TMC5: variants seen among roughly 807,000 people sequenced by gnomAD.
The protein encoded by TMC5 is transmembrane channel-like protein 5.
Under a neutral mutation model 110.5 loss-of-function variants are expected in TMC5, and 86 were observed. That is an observed-to-expected ratio of 0.78 (90% CI 0.65 to 0.93). The LOEUF is 0.93. Among genes scored for constraint, TMC5 ranks in the 40% least tolerant of loss-of-function variants. The pLI, the probability that TMC5 is intolerant of heterozygous loss-of-function variation, is 0.00. For missense variants in TMC5, 1,144 were observed against 1,222.8 expected (o/e 0.94, Z 0.96); for synonymous variants, 455 against 439.5 (o/e 1.04, Z -0.44).
chr16:19,434,107 T>TTA (rs1555479987), intron 2 of TMC5, among the ~76,000 whole-genome samples: 3 of 113,470 alleles, frequency 2.6e-5, no homozygotes, highest in South Asian at 2.4e-4. Context: ...AATATATATA[T>TTA]TATATATATA....
chr16:19,461,285 A>G (rs1161894920), intron 6 of TMC5, among the ~76,000 whole-genome samples: 1 of 152,198 alleles, frequency 6.6e-6, no homozygotes, highest in Non-Finnish European at 1.5e-5. Flanking sequence ...TACTTAAAAA[A>G]TAAAGATCAG....
intron 15 of TMC5, among the ~76,000 whole-genome samples, chr16:19,484,590 T>G (rs533997360): frequency 6.6e-6 from 1 of 152,118 alleles, no homozygotes; most frequent in East Asian, 1.9e-4. Context: ...GGTGAAACCC[T>G]GACTCTACTA....
rs554413000 is a variant in TMC5 at position 19,421,446 on chromosome 16, T to C, written c.-308+3354T>C. ...GGCAGTTCCCCTGCACACACGCTCT[T>C]GCCTGCCGCCATGTAAGATGTGCCT... On this transcript the variant is annotated intron_variant, in intron 1 of 21. Coordinates refer to ENST00000542583, the MANE Select transcript of TMC5 (RefSeq NM_001261841.2). Among the ~76,000 whole-genome samples the C allele has an allele frequency of 2.4e-3, 371 of 152,254 alleles. 3 individuals are homozygous for C. The highest frequency in any genetic ancestry group is 8.5e-3 in the African/African-American group (352 of 41,558).
intron 2 of TMC5, among the ~76,000 whole-genome samples, chr16:19,438,419 A>AG (rs1328179281): frequency 0.091 from 4,627 of 51,002 alleles, 145 homozygotes; most frequent in African/African-American, 0.19. Context: ...GAAGAAAGAA[A>AG]AGAAAAAGAA....
chr16:19,493,809 C>T (rs919315145), intron 19 of TMC5, among the ~76,000 whole-genome samples: 1 of 152,208 alleles, frequency 6.6e-6, no homozygotes, highest in South Asian at 2.1e-4. Flanking sequence ...ACTTCCCCTC[C>T]CCACTTCCTC....
At chr16:19,419,473 T>C (rs1226693907) in intron 1 of TMC5, among the ~76,000 whole-genome samples, 1 of 127,258 alleles carries the variant, frequency 7.9e-6, no homozygotes, top group Non-Finnish European at 1.6e-5. Flanking sequence ...AGTGCAGTGG[T>C]GCGATCTCGG....
intron 4 of TMC5, among the ~76,000 whole-genome samples, chr16:19,449,052 G>A (rs79545455): frequency 0.07 from 10,645 of 151,526 alleles, 760 homozygotes; most frequent in African/African-American, 0.19. Flanking sequence ...TAGTAGGGAC[G>A]GGGTTAGCCA....
chr16:19,429,914 G>T (rs1967161806), intron 1 of TMC5, among the ~76,000 whole-genome samples: 1 of 151,886 alleles, frequency 6.6e-6, no homozygotes. Flanking sequence ...TCCCACCCCA[G>T]TGAACTTATT....
chr16:19,439,427 T>C (rs978326181), intron 2 of TMC5, among the ~76,000 whole-genome samples: 2 of 152,206 alleles, frequency 1.3e-5, no homozygotes, highest in African/African-American at 4.8e-5. Context: ...TTTGGTTCAC[T>C]GGTCCCCTCC....
chr16:19,451,830 A>T (rs548731368), intron 5 of TMC5, among the ~76,000 whole-genome samples: 21 of 151,730 alleles, frequency 1.4e-4, no homozygotes, highest in Non-Finnish European at 2.2e-4. Flanking sequence ...TAAGGATCTC[A>T]CTCCGTTATT....
chr16:19,475,645 G>A (rs1322465046), intron 12 of TMC5, among the ~76,000 whole-genome samples: 1 of 151,978 alleles, frequency 6.6e-6, no homozygotes, highest in African/African-American at 2.4e-5. Flanking sequence ...CTTTGCATGG[G>A]CCTGGAATGT....
intron 18 of TMC5, among the ~76,000 whole-genome samples, chr16:19,491,599 G>A (rs1229823584): frequency 1.3e-5 from 2 of 148,502 alleles, no homozygotes; most frequent in African/African-American, 2.5e-5. Context: ...GCACTGGCGC[G>A]ATCTCAGCAC....
In TMC5 at chr16:19,484,022, C is replaced by T. The variant is rs529836812; in HGVS notation, c.2363+2557C>T. Reference sequence around the variant, plus strand: ...ACTTGAACCCGGGAGGTGGAGGCTGCAGTGAACAGAGATCACGCCATTGCA... The same window carrying T: ...ACTTGAACCCGGGAGGTGGAGGCTGTAGTGAACAGAGATCACGCCATTGCA... On this transcript the variant is annotated intron_variant, in intron 15 of 21. Transcript: ENST00000542583. Among the ~76,000 whole-genome samples, 9 of 147,768 alleles carry T rather than the reference C, an allele frequency of 6.1e-5. No individual in the cohort carries two copies. The South Asian group carries it at 1.9e-3, about 31-fold the overall frequency.
At position 19,479,448 on chromosome 16, in the gene TMC5, T is replaced by C; in HGVS notation, c.2187T>C (p.Ile729=). ...CCTTCCAGTGTTGGGAAACCCTCATTGGCCAGGACATCTACCGGCTCCTTC... is the reference window on the plus strand; with the variant it reads ...CCTTCCAGTGTTGGGAAACCCTCATCGGCCAGGACATCTACCGGCTCCTTC... The part of the protein sequence containing the change: ...LSGEECWETL[I]GQDIYRLLLM... Residue 729 remains isoleucine (I), a synonymous_variant, in exon 14 of 22, where the codon ATT becomes ATC. Coordinates refer to ENST00000542583, the MANE Select transcript of TMC5 (RefSeq NM_001261841.2). 1.2e-6 allele frequency: 2 copies of C among 1,614,050 alleles called. No individual in the cohort carries two copies. Among genetic ancestry groups the C allele is most frequent in the Non-Finnish European group, 1.7e-6 (2 of 1,179,930 alleles).
At chr16:19,428,434 A>G (rs1967131280) in intron 1 of TMC5, among the ~76,000 whole-genome samples, 1 of 151,776 alleles carries the variant, frequency 6.6e-6, no homozygotes, top group Non-Finnish European at 1.5e-5. Flanking sequence ...TTAGACTCTG[A>G]AAGTACTGCG....
chr16:19,455,974 G>A (rs563642923), intron 5 of TMC5, among the ~76,000 whole-genome samples: 2 of 152,110 alleles, frequency 1.3e-5, no homozygotes, highest in Non-Finnish European at 2.9e-5. Context: ...TTGGGAGGCC[G>A]AGGCAGGAGG....
intron 1 of TMC5, among the ~76,000 whole-genome samples, chr16:19,420,089 G>A (rs1377064297): frequency 6.6e-6 from 1 of 151,904 alleles, no homozygotes; most frequent in Non-Finnish European, 1.5e-5. Flanking sequence ...AGCCTCCTAA[G>A]TAGCTGGGAC....
chr16:19,491,359 G>T (rs1048114619), intron 18 of TMC5, among the ~76,000 whole-genome samples: 2 of 151,914 alleles, frequency 1.3e-5, no homozygotes, highest in African/African-American at 4.8e-5. Flanking sequence ...AGTGGCTTGT[G>T]CCTGTAGTCT....
chr16:19,419,403 T>G (rs986398662), intron 1 of TMC5, among the ~76,000 whole-genome samples: 24 of 33,256 alleles, frequency 7.2e-4, no homozygotes, highest in Non-Finnish European at 1.2e-4. Context: ...AATGTGTTGG[T>G]TTTTTTTTTT....
Sources: gnomAD v4.1 joint callset for allele counts (sites outside exome capture counted in the v4.1 genomes callset) on GRCh38, gnomAD v4.1.1 for gene constraint, MANE v1.5 for transcripts, NCBI Gene and HGNC (gene_info 2026-07-23, HGNC 2026-07-21) for gene names.